The following LRTM1 variants were observed in gnomAD, a reference collection of about 807,000 sequenced individuals.
LRTM1 encodes leucine rich repeat transmembrane protein 1.
In LRTM1, 38 loss-of-function variants were observed where a neutral mutation model predicts 32.4. The ratio of observed to expected loss-of-function variants is 1.17; its 90% CI spans 0.91 to 1.54. LRTM1 has a LOEUF of 1.54. Ranked by LOEUF, LRTM1 falls within the 40% of genes most tolerant of loss-of-function variation. The pLI, the probability that LRTM1 is intolerant of heterozygous loss-of-function variation, is 0.00. For synonymous variants in LRTM1, 186 were observed against 169.9 expected (o/e 1.09, Z -0.74); for missense variants, 466 against 415.4 (o/e 1.12, Z -1.06).
chr3:54,930,334 C>G (rs1701152563), upstream of LRTM1, among the ~76,000 whole-genome samples: 2 of 152,148 alleles, frequency 1.3e-5, no homozygotes, highest in South Asian at 4.1e-4. Context: ...ATCTTTAAGG[C>G]CTTCTTATGT....
Position 54,943,772 on chromosome 3 carries a change from C to T in LRTM1, c.-221-18557G>A, listed in dbSNP as rs140909969. Among the ~76,000 whole-genome samples, 664 of 152,192 alleles carry T rather than the reference C, an allele frequency of 4.4e-3. 2 individuals are homozygous for T. Among genetic ancestry groups the T allele is most frequent in the Non-Finnish European group, 5.7e-3 (386 of 68,008 alleles). On this transcript the variant is annotated intron_variant, in intron 1 of 2. Coordinates refer to the LRTM1 transcript ENST00000493075. The stretch of plus-strand genomic sequence containing the variant: ...CTCTCTGTGTCATCCTATTTCAGTC[C>T]GGACTAATAGCTCTCTAGGTTTGCT...
At chr3:54,963,041 G>T (rs1702068480) in intron 1 of LRTM1, among the ~76,000 whole-genome samples, 1 of 152,224 alleles carries the variant, frequency 6.6e-6, no homozygotes, top group South Asian at 2.1e-4. Flanking sequence ...ATGCATGCAT[G>T]ATTTCATCTT....
intron 1 of LRTM1, among the ~76,000 whole-genome samples, chr3:54,957,276 A>G (rs1246391883): frequency 6.6e-6 from 1 of 151,874 alleles, no homozygotes; most frequent in African/African-American, 2.4e-5. Context: ...CTTCCTACGG[A>G]ACTTAGACTA....
In LRTM1 at chr3:54,924,643, A is replaced by G. The variant is rs1700957475; in HGVS notation, c.580T>C (p.Trp194Arg). ...CNCHLLGLKL[W>R]LEKFVYKGGL... Reference sequence around the variant, plus strand: ...CCTTTATAGACAAATTTCTCCAGCCAGAGTTTAAGACCGAGCAAGTGGCAA... The same window carrying G: ...CCTTTATAGACAAATTTCTCCAGCCGGAGTTTAAGACCGAGCAAGTGGCAA... The change falls in exon 2 of 3, where the codon TGG becomes CGG. Residue 194 changes from tryptophan (W) to arginine (R), a missense_variant. Transcript: ENST00000273286. 1 of 1,613,720 alleles carries G rather than the reference A, an allele frequency of 6.2e-7. No individual in the cohort carries two copies. Among genetic ancestry groups the G allele is most frequent in the South Asian group, 1.1e-5 (1 of 91,074 alleles).
At chr3:54,930,895 G>C (rs1382473907), upstream of LRTM1, among the ~76,000 whole-genome samples, 1 of 152,132 alleles carries the variant, frequency 6.6e-6, no homozygotes, top group Admixed American at 6.5e-5. Flanking sequence ...ACAGGAGTTC[G>C]AGACCAGCCT....
intron 1 of LRTM1, among the ~76,000 whole-genome samples, chr3:54,961,252 G>A (rs1702023772): frequency 6.6e-6 from 1 of 152,142 alleles, no homozygotes; most frequent in Admixed American, 6.5e-5. Context: ...GACTGGATAA[G>A]AGATATTAAC....
intron 2 of LRTM1, among the ~76,000 whole-genome samples, chr3:54,922,642 A>G (rs1406763770): frequency 6.6e-6 from 1 of 152,130 alleles, no homozygotes; most frequent in African/African-American, 2.4e-5. Flanking sequence ...CGCTACAACC[A>G]TGCAGACACT....
intron 1 of LRTM1, among the ~76,000 whole-genome samples, chr3:54,961,925 A>G (rs935489508): frequency 2.6e-5 from 4 of 152,010 alleles, no homozygotes; most frequent in Non-Finnish European, 5.9e-5. Flanking sequence ...GTGGTGAGGG[A>G]CTTGCTGGTG....
At chr3:54,945,253 A>C (rs1310032778) in intron 1 of LRTM1, among the ~76,000 whole-genome samples, 1 of 152,180 alleles carries the variant, frequency 6.6e-6, no homozygotes. Flanking sequence ...AGCAGAATAC[A>C]TGGTGTTGAT....
chr3:54,952,515 T>C (rs1300676226), intron 1 of LRTM1, among the ~76,000 whole-genome samples: 1 of 152,214 alleles, frequency 6.6e-6, no homozygotes, highest in Non-Finnish European at 1.5e-5. Flanking sequence ...AAATGTGGAC[T>C]TACCAATCTC....
intron 1 of LRTM1, among the ~76,000 whole-genome samples, chr3:54,945,117 G>A (rs1701580493): frequency 6.6e-6 from 1 of 152,198 alleles, no homozygotes; most frequent in Admixed American, 6.5e-5. Context: ...GCAGGGAAAG[G>A]AAGGTTAGGA....
At chr3:54,948,957 A>T (rs1701686042) in intron 1 of LRTM1, among the ~76,000 whole-genome samples, 1 of 152,178 alleles carries the variant, frequency 6.6e-6, no homozygotes. Context: ...AAAAGTCCAT[A>T]GTTATAACCA....
At chr3:54,934,885 C>G (rs1701290904) in intron 1 of LRTM1, among the ~76,000 whole-genome samples, 2 of 152,102 alleles carry the variant, frequency 1.3e-5, no homozygotes, top group South Asian at 4.1e-4. Context: ...GCACACACCA[C>G]CACACCCCGC....
At chr3:54,955,539 G>A (rs1701866320) in intron 1 of LRTM1, among the ~76,000 whole-genome samples, 1 of 152,190 alleles carries the variant, frequency 6.6e-6, no homozygotes, top group Admixed American at 6.5e-5. Flanking sequence ...GATAAGAGGA[G>A]AAACAATACT....
chr3:54,920,886 G>C (rs764460714), intron 2 of LRTM1, among the ~76,000 whole-genome samples: 1 of 152,128 alleles, frequency 6.6e-6, no homozygotes, highest in Non-Finnish European at 1.5e-5. Flanking sequence ...TCTGTTGTTC[G>C]GTATTAAGGT....
intron 1 of LRTM1, 57 bp downstream of exon 1, chr3:54,927,848 G>A: frequency 2.0e-5 from 31 of 1,584,126 alleles, no homozygotes; most frequent in Non-Finnish European, 2.7e-5. Context: ...CTTTGTGAGG[G>A]GATACCATCT....
chr3:54,949,870 G>A lies in LRTM1; in HGVS notation c.-222+17058C>T, dbSNP rs1701713039. Among the ~76,000 whole-genome samples, 4 of 152,188 alleles carry A rather than the reference G, an allele frequency of 2.6e-5. No homozygotes were observed. The South Asian group carries it at 8.3e-4, about 32-fold the overall frequency. On this transcript the variant is annotated intron_variant, in intron 1 of 2. Transcript: ENST00000493075. ...GCTCATCTGGCATGCTGTGCTCTGG[G>A]TAGAAGTAATTATTTTTATGAGGCA...
In LRTM1 at chr3:54,949,786, C is replaced by G. The variant is rs145961312; in HGVS notation, c.-222+17142G>C. On this transcript the variant is annotated intron_variant, in intron 1 of 2. Coordinates refer to the LRTM1 transcript ENST00000493075. ...TGCCACAGATAGATGCATCCTTAGG[C>G]TCCTGGATGGAAGACTTTTTTTGCC... 2.7e-3 allele frequency among the ~76,000 whole-genome samples: 356 copies of G among 130,372 alleles called. 2 individuals are homozygous for G. The highest frequency in any genetic ancestry group is 8.8e-3 in the African/African-American group (335 of 38,036). The allele number at this position is 130,372 out of a possible 152,430, so 85.5% of individuals were successfully genotyped here. A position where few individuals can be genotyped will look rare whatever the true frequency, so the allele number is the denominator to read the frequency against.
intron 1 of LRTM1, among the ~76,000 whole-genome samples, chr3:54,957,232 T>C (rs1355661230): frequency 6.6e-6 from 1 of 151,858 alleles, no homozygotes; most frequent in Non-Finnish European, 1.5e-5. Context: ...CAATCATAGC[T>C]CAATGCAGCC....
Sources: allele counts gnomAD v4.1 joint callset (sites outside exome capture counted in the v4.1 genomes callset), GRCh38; gene constraint gnomAD v4.1.1; transcripts MANE v1.5; gene names NCBI Gene and HGNC (gene_info 2026-07-23, HGNC 2026-07-21).